EXOC6: variants seen among roughly 807,000 people sequenced by gnomAD.
The protein encoded by EXOC6 is exocyst complex component 6.
Under a neutral mutation model 112.5 loss-of-function variants are expected in EXOC6, and 60 were observed. The observed-to-expected ratio is 0.53, with a 90% CI of 0.43 to 0.66. The LOEUF (loss-of-function observed/expected upper bound fraction) is 0.66. EXOC6 is among the 30% of genes least tolerant of loss of function. The pLI, the probability that EXOC6 is intolerant of heterozygous loss-of-function variation, is 0.00. For missense variants in EXOC6, 855 were observed against 957.1 expected, an observed-to-expected ratio of 0.89 and a Z score of 1.41; for synonymous variants, 295 against 308.0, an observed-to-expected ratio of 0.96 and a Z score of 0.44.
chr10:92,940,872 T>A, intron 13 of EXOC6, 48 bp downstream of exon 13: 1 of 1,202,104 alleles, frequency 8.3e-7, no homozygotes, highest in African/African-American at 1.5e-5. Flanking sequence ...GTTTGTCAAA[T>A]GCTCAAGTGG....
intron 18 of EXOC6, among the ~76,000 whole-genome samples, chr10:92,993,437 C>T (rs927429750): frequency 6.6e-6 from 1 of 152,056 alleles, no homozygotes; most frequent in African/African-American, 2.4e-5. Flanking sequence ...TTGTAAAGTG[C>T]TTTCAAATAA....
intron 12 of EXOC6, among the ~76,000 whole-genome samples, chr10:92,936,872 A>G (rs1352633603): frequency 6.6e-6 from 1 of 152,088 alleles, no homozygotes; most frequent in Non-Finnish European, 1.5e-5. Context: ...CCTCTGCGAT[A>G]TTGGGAGTAA....
At chr10:92,936,745 C>T (rs1179769859) in intron 12 of EXOC6, among the ~76,000 whole-genome samples, 1 of 152,214 alleles carries the variant, frequency 6.6e-6, no homozygotes, top group Non-Finnish European at 1.5e-5. Context: ...CCTCTCCCAC[C>T]TGGATATTAG....
intron 1 of EXOC6, among the ~76,000 whole-genome samples, chr10:92,841,487 T>G (rs1426263118): frequency 6.6e-6 from 1 of 152,182 alleles, no homozygotes; most frequent in Non-Finnish European, 1.5e-5. Context: ...GCGTTCTACA[T>G]AAAAATGGAG....
chr10:92,969,675 T>A (rs556514859), intron 17 of EXOC6, among the ~76,000 whole-genome samples: 1 of 120,608 alleles, frequency 8.3e-6, no homozygotes, highest in East Asian at 2.1e-4. Context: ...GGGATTATTG[T>A]ATTTTCTTTC....
intron 17 of EXOC6, among the ~76,000 whole-genome samples, chr10:92,958,476 A>G (rs1261131730): frequency 1.3e-5 from 2 of 152,148 alleles, no homozygotes; most frequent in Non-Finnish European, 2.9e-5. Flanking sequence ...TTCTTTTTCT[A>G]ACTTGCCTTT....
intron 1 of EXOC6, among the ~76,000 whole-genome samples, chr10:92,838,221 G>C (rs1234967422): frequency 5.9e-5 from 9 of 152,196 alleles, no homozygotes; most frequent in Non-Finnish European, 1.3e-4. Flanking sequence ...AGTCTCCTCT[G>C]TCTCAGACGT....
intron 17 of EXOC6, among the ~76,000 whole-genome samples, chr10:92,972,230 G>A (rs981410335): frequency 6.6e-5 from 10 of 152,292 alleles, no homozygotes; most frequent in African/African-American, 1.9e-4. Context: ...GCTAGGGGAC[G>A]TCCCCAAATG....
intron 13 of EXOC6, among the ~76,000 whole-genome samples, chr10:92,941,152 G>A (rs867025989): frequency 1.5e-4 from 23 of 152,214 alleles, no homozygotes; most frequent in South Asian, 6.2e-4. Flanking sequence ...ACTGCTCTAG[G>A]TACCTCATGT....
At chr10:92,930,268 T>G (rs1851953158) in intron 9 of EXOC6, among the ~76,000 whole-genome samples, 1 of 152,014 alleles carries the variant, frequency 6.6e-6, no homozygotes, top group Admixed American at 6.6e-5. Flanking sequence ...TTTGGGAGGC[T>G]GAGGCAGGCG....
chr10:92,891,557 C>T (rs1263334749), intron 1 of EXOC6, among the ~76,000 whole-genome samples: 1 of 152,180 alleles, frequency 6.6e-6, no homozygotes, highest in African/African-American at 2.4e-5. Context: ...TCTTTGCTCA[C>T]TGCAACCTCT....
At chr10:93,052,488 G>GT (rs1269720204) in intron 20 of EXOC6, among the ~76,000 whole-genome samples, 1 of 152,198 alleles carries the variant, frequency 6.6e-6, no homozygotes, top group Non-Finnish European at 1.5e-5. Flanking sequence ...TGCTGAGGAA[G>GT]TGAAATGTAC....
Position 92,904,517 on chromosome 10 carries a change from A to G in EXOC6, c.458+4873A>G, listed in dbSNP as rs550248712. The stretch of plus-strand genomic sequence containing the variant: ...TCTAATAGGTGTGTAATGATATCTC[A>G]TTGTTATTTTAATTTGTAATTCACT... On this transcript the variant is annotated intron_variant, in intron 5 of 21. Transcript: ENST00000260762. 1.4e-4 allele frequency among the ~76,000 whole-genome samples: 21 copies of G among 152,096 alleles called. 1 individual carries two copies. The highest frequency in any genetic ancestry group is 4.3e-4 in the African/African-American group (18 of 41,530).
At chr10:92,848,447 C>T (rs1847144211), upstream of EXOC6, 2 of 1,025,776 alleles carry the variant, frequency 1.9e-6, no homozygotes, top group Non-Finnish European at 2.4e-6. Flanking sequence ...CGCCCCCGCC[C>T]CGCCCCTTCG....
At chr10:92,962,688 GC>G (rs1370956402) in intron 17 of EXOC6, among the ~76,000 whole-genome samples, 1 of 152,132 alleles carries the variant, frequency 6.6e-6, no homozygotes. Flanking sequence ...CCGCTGTCAG[GC>G]CCTAAAGTGC....
At chr10:92,957,449 G>T (rs112210147) in intron 17 of EXOC6, among the ~76,000 whole-genome samples, 1,722 of 152,246 alleles carry the variant, frequency 0.011, 19 homozygotes, top group Non-Finnish European at 0.017. Context: ...CTCAAAATCT[G>T]CCTGTTGGGA....
intron 1 of EXOC6, among the ~76,000 whole-genome samples, chr10:92,841,291 T>C (rs1344962157): frequency 6.6e-6 from 1 of 152,224 alleles, no homozygotes; most frequent in Admixed American, 6.5e-5. Context: ...TTTTAGATTC[T>C]ACATATAAGT....
chr10:92,879,019 T>G (rs1408925223), intron 1 of EXOC6, among the ~76,000 whole-genome samples: 1 of 152,250 alleles, frequency 6.6e-6, no homozygotes, highest in African/African-American at 2.4e-5. Flanking sequence ...GCTTTCATTT[T>G]TAAAATTTTC....
intron 17 of EXOC6, among the ~76,000 whole-genome samples, chr10:92,972,730 A>G (rs1250419876): frequency 1.3e-5 from 2 of 152,132 alleles, no homozygotes; most frequent in South Asian, 2.1e-4. Flanking sequence ...TTCTGCAGCT[A>G]TTTCAACAGT....
Sources: gnomAD v4.1 joint callset for allele counts (sites outside exome capture counted in the v4.1 genomes callset) on GRCh38, gnomAD v4.1.1 for gene constraint, MANE v1.5 for transcripts, NCBI Gene and HGNC (gene_info 2026-07-23, HGNC 2026-07-21) for gene names.